Variants in NAV3 observed in about 807,000 individuals in gnomAD.
NAV3 encodes neuron navigator 3, also known as pore membrane and/or filament interacting like protein 1.
A neutral mutation model predicts 244.7 loss-of-function variants in NAV3; 87 were observed. The observed-to-expected ratio is 0.36, with a 90% CI of 0.30 to 0.42. NAV3 has a LOEUF of 0.42. NAV3 is among the 20% of genes least tolerant of loss of function. NAV3 has a pLI of 1.00. For synonymous variants in NAV3, 1,126 were observed against 1,042.2 expected (o/e 1.08, Z -1.55); for missense variants, 2,663 against 2,893.3 (o/e 0.92, Z 1.83).
Position 77,941,070 on chromosome 12 carries a change from CTT to C in NAV3, c.362-10_362-9del. 2 of 1,539,526 alleles carry C rather than the reference CTT, an allele frequency of 1.3e-6. No individual in the cohort carries two copies. Among genetic ancestry groups the C allele is most frequent in the Non-Finnish European group, 1.8e-6 (2 of 1,125,376 alleles). ...TTTTTTTCTCTCTTTTATTTTATCTCTTGGCTTTAGCAAATGAAAAAGTTGAA... is the reference window on the plus strand; with the variant it reads ...TTTTTTTCTCTCTTTTATTTTATCTCGGCTTTAGCAAATGAAAAAGTTGAA... On this transcript the variant is annotated splice_polypyrimidine_tract_variant and intron_variant, in intron 2 of 39. Transcript: ENST00000397909.
rs1231706967 is a variant in NAV3 at position 78,119,315 on chromosome 12, A to T, written c.3119A>T (p.Asp1040Val). 6.2e-7 allele frequency: 1 copy of T among 1,614,074 alleles called. No individual in the cohort carries two copies. The highest frequency in any genetic ancestry group is 1.3e-5 in the African/African-American group (1 of 74,932). Residue 1040 changes from aspartate to valine, a missense_variant, in exon 15 of 40, where the codon GAT becomes GTT. Physicochemically the swap from Asp to Val is radical, Grantham distance 152. Around this residue, in one of 6 missense-constraint regions of NAV3, gnomAD observed 1,521 missense variants for 1,497.0 expected, o/e 1.02. Coordinates refer to ENST00000397909, the MANE Select transcript of NAV3 (RefSeq NM_001024383.2). ...TCATCTCTACAAAGATCTCCTTCAG[A>T]TGCAGGAAAAAGCAGTGGAGATGAA... Reference protein sequence around the residue: ...KGSSLQRSPSDAGKSSGDEGK... With the variant: ...KGSSLQRSPSVAGKSSGDEGK...
intron 2 of NAV3, among the ~76,000 whole-genome samples, chr12:77,652,988 A>G (rs188495486): frequency 6.6e-6 from 1 of 152,346 alleles, no homozygotes; most frequent in East Asian, 1.9e-4. Flanking sequence ...AATGGATGTT[A>G]ATAGGGTTAT....
intron 12 of NAV3, among the ~76,000 whole-genome samples, chr12:78,077,980 G>T (rs1207171382): frequency 6.6e-6 from 1 of 152,150 alleles, no homozygotes. Flanking sequence ...CCCTTCTGGA[G>T]GCTAGACATT....
chr12:78,117,580 G>A (rs562047244), intron 13 of NAV3, among the ~76,000 whole-genome samples: 166 of 150,332 alleles, frequency 1.1e-3, no homozygotes, highest in African/African-American at 3.8e-3. Flanking sequence ...AAAGATTTAT[G>A]TTGCCATATC....
chr12:77,772,960 T>C (rs2135884629), intron 2 of NAV3, among the ~76,000 whole-genome samples: 1 of 152,288 alleles, frequency 6.6e-6, no homozygotes, highest in South Asian at 2.1e-4. Context: ...TTCAGTAGCA[T>C]ATATATTATG....
At chr12:78,149,711 G>A (rs1956997877) in intron 22 of NAV3, among the ~76,000 whole-genome samples, 1 of 152,022 alleles carries the variant, frequency 6.6e-6, no homozygotes, top group East Asian at 1.9e-4. Context: ...CTGCTGCATA[G>A]CTTTGGGCCT....
rs77961027 is a variant in NAV3 at position 77,606,551 on chromosome 12, A to G, written c.72+34285A>G. On this transcript the variant is annotated intron_variant, in intron 2 of 8. Transcript: ENST00000550042. ...CAGAAATTATGACTCACTCTGCTGC[A>G]GTCCTAGAACCTTGCACATAGTATG... 2.2e-4 allele frequency among the ~76,000 whole-genome samples: 33 copies of G among 152,272 alleles called. 1 individual carries two copies. In the East Asian group the frequency reaches 5.4e-3, roughly 25 times the overall value.
chr12:78,050,736 A>G (rs181027158), intron 10 of NAV3, 28 bp from the exon 11 acceptor site: 2 of 1,560,640 alleles, frequency 1.3e-6, no homozygotes, highest in Non-Finnish European at 1.7e-6. Context: ...GAACCAGAGT[A>G]TAGTTATTTC....
intron 20 of NAV3, among the ~76,000 whole-genome samples, chr12:78,142,695 A>T (rs1157178153): frequency 1.4e-5 from 1 of 72,742 alleles, no homozygotes; most frequent in African/African-American, 4.9e-5. Flanking sequence ...ATATATATAC[A>T]TATGTATGTG....
chr12:77,723,778 T>TTTTTTC (rs1165361705), intron 2 of NAV3, among the ~76,000 whole-genome samples: 4 of 147,628 alleles, frequency 2.7e-5, no homozygotes, highest in Non-Finnish European at 6.0e-5. Context: ...TTTTTTTTTT[T>TTTTTTC]ACATATATCT....
At chr12:77,891,363 C>T (rs1883918197) in intron 1 of NAV3, among the ~76,000 whole-genome samples, 1 of 150,700 alleles carries the variant, frequency 6.6e-6, no homozygotes. Flanking sequence ...TACTTCAATA[C>T]TAACTCAGTA....
intron 37 of NAV3, among the ~76,000 whole-genome samples, chr12:78,199,910 G>A (rs536611507): frequency 8.5e-5 from 13 of 152,184 alleles, no homozygotes; most frequent in East Asian, 7.7e-4. Context: ...TAACTTAAAC[G>A]CTTTGTAGAT....
chr12:77,754,535 A>G (rs1020603372), intron 2 of NAV3, among the ~76,000 whole-genome samples: 1 of 152,172 alleles, frequency 6.6e-6, no homozygotes, highest in Admixed American at 6.5e-5. Context: ...CTATTTCTGT[A>G]TAGCCCAGAA....
At chr12:77,623,107 G>A (rs1871455959) in intron 2 of NAV3, among the ~76,000 whole-genome samples, 1 of 152,130 alleles carries the variant, frequency 6.6e-6, no homozygotes, top group Non-Finnish European at 1.5e-5. Flanking sequence ...GTCTGTTTTG[G>A]ATGTCTTGGT....
intron 9 of NAV3, among the ~76,000 whole-genome samples, chr12:78,043,781 GT>G (rs1349237250): frequency 6.6e-6 from 1 of 152,072 alleles, no homozygotes; most frequent in Non-Finnish European, 1.5e-5. Flanking sequence ...TGATGGGGTT[GT>G]TTTTTTCTTG....
At chr12:77,891,837 C>G (rs190738728) in intron 1 of NAV3, among the ~76,000 whole-genome samples, 31 of 152,310 alleles carry the variant, frequency 2.0e-4, no homozygotes, top group African/African-American at 7.2e-4. Context: ...TAAGTGCTGG[C>G]TCCCTTGTCC....
In NAV3 at chr12:77,853,542, A is replaced by C. The variant is rs553525209; in HGVS notation, c.243+21838A>C. Among the ~76,000 whole-genome samples, 41 of 152,324 alleles carry C rather than the reference A, an allele frequency of 2.7e-4. No homozygotes were observed. The South Asian group carries it at 8.1e-3, about 30-fold the overall frequency. On this transcript the variant is annotated intron_variant, in intron 1 of 39. Coordinates refer to ENST00000397909, the MANE Select transcript of NAV3 (RefSeq NM_001024383.2). The stretch of plus-strand genomic sequence containing the variant: ...AGAAACTCTACTGTTCAAAAATTTC[A>C]AAACTATTCTATGCAAAAAGCACTA...
intron 2 of NAV3, among the ~76,000 whole-genome samples, chr12:77,662,257 C>CTATT: frequency 6.6e-6 from 1 of 151,522 alleles, no homozygotes; most frequent in Non-Finnish European, 1.5e-5. Context: ...ATCTATCTAT[C>CTATT]TATCTATATC....
At chr12:77,776,482 T>C (rs1288369372) in intron 2 of NAV3, among the ~76,000 whole-genome samples, 1 of 152,186 alleles carries the variant, frequency 6.6e-6, no homozygotes. Context: ...TTCTGTCAAG[T>C]TATTCAATTT....
Sources: gnomAD v4.1 joint callset for allele counts (sites outside exome capture counted in the v4.1 genomes callset) on GRCh38, gnomAD v4.1.1 for gene constraint, gnomAD v4.1.1 regional missense constraint, MANE v1.5 for transcripts, NCBI Gene and HGNC (gene_info 2026-07-23, HGNC 2026-07-21) for gene names.